The following AUTS2 variants were observed in gnomAD, a reference collection of about 807,000 sequenced individuals.
The protein encoded by AUTS2 is autism susceptibility gene 2 protein.
AUTS2 carries 17 observed loss-of-function variants against 112.4 expected under a neutral mutation model. The ratio of observed to expected loss-of-function variants is 0.15; its 90% CI spans 0.10 to 0.23. AUTS2 has a LOEUF of 0.23. Ranked by LOEUF, AUTS2 falls within the 10% of genes least tolerant of loss-of-function variation. The pLI is 1.00. For synonymous variants in AUTS2, 751 were observed against 702.7 expected, an observed-to-expected ratio of 1.07 and a Z score of -1.09; for missense variants, 1,510 against 1,701.6, an observed-to-expected ratio of 0.89 and a Z score of 1.98.
At chr7:69,765,247 A>G (rs950523811) in intron 1 of AUTS2, among the ~76,000 whole-genome samples, 1 of 152,144 alleles carries the variant, frequency 6.6e-6, no homozygotes, top group African/African-American at 2.4e-5. Context: ...CTAAATTGTG[A>G]TGGGTTCCTT....
chr7:70,644,375 A>T (rs1330224146), intron 5 of AUTS2, among the ~76,000 whole-genome samples: 1 of 152,146 alleles, frequency 6.6e-6, no homozygotes, highest in Non-Finnish European at 1.5e-5. Flanking sequence ...AGCATTCCAA[A>T]CAGAGGGAAC....
chr7:70,545,867 G>C (rs1196295124), intron 5 of AUTS2, among the ~76,000 whole-genome samples: 1 of 152,172 alleles, frequency 6.6e-6, no homozygotes. Context: ...GGAGTGGGGG[G>C]AGTGGGTAGA....
chr7:70,024,577 ATG>A (rs900631709), intron 2 of AUTS2, among the ~76,000 whole-genome samples: 9 of 151,902 alleles, frequency 5.9e-5, no homozygotes, highest in Non-Finnish European at 1.3e-4. Flanking sequence ...GTTGACCTGT[ATG>A]TGTGTTTTTT....
At chr7:70,134,948 G>A (rs2129574896) in intron 4 of AUTS2, among the ~76,000 whole-genome samples, 1 of 152,234 alleles carries the variant, frequency 6.6e-6, no homozygotes, top group Non-Finnish European at 1.5e-5. Flanking sequence ...CTGATTTCTT[G>A]AATAACATCT....
At chr7:69,664,230 CAG>C (rs1270364180) in intron 1 of AUTS2, among the ~76,000 whole-genome samples, 1 of 152,120 alleles carries the variant, frequency 6.6e-6, no homozygotes, top group Non-Finnish European at 1.5e-5. Flanking sequence ...ATTTCTAACA[CAG>C]AGAACTCATT....
intron 2 of AUTS2, among the ~76,000 whole-genome samples, chr7:70,004,979 C>T (rs1417861684): frequency 6.6e-6 from 1 of 151,994 alleles, no homozygotes; most frequent in African/African-American, 2.4e-5. Flanking sequence ...CACCTACCAC[C>T]ATGCCTGGCT....
At chr7:70,274,199 CTT>C (rs1442805452) in intron 4 of AUTS2, among the ~76,000 whole-genome samples, 2 of 152,076 alleles carry the variant, frequency 1.3e-5, no homozygotes, top group Admixed American at 1.3e-4. Flanking sequence ...CTTCTGCCCT[CTT>C]TTCTTCTTTT....
chr7:70,501,992 C>G (rs536549981), intron 5 of AUTS2, among the ~76,000 whole-genome samples: 2 of 152,300 alleles, frequency 1.3e-5, no homozygotes, highest in South Asian at 4.1e-4. Context: ...TCCCACCCAG[C>G]CAGGCTGCTT....
intron 1 of AUTS2, among the ~76,000 whole-genome samples, chr7:69,881,465 A>C (rs2129537774): frequency 6.6e-6 from 1 of 151,644 alleles, no homozygotes; most frequent in Non-Finnish European, 1.5e-5. Context: ...GTATGCATTT[A>C]TTTTCTTTTT....
At chr7:69,760,063 G>T (rs1325263994) in intron 1 of AUTS2, among the ~76,000 whole-genome samples, 3 of 150,704 alleles carry the variant, frequency 2.0e-5, no homozygotes, top group African/African-American at 4.9e-5. Flanking sequence ...TTCTTCCATT[G>T]TATAGTATGA....
intron 5 of AUTS2, among the ~76,000 whole-genome samples, chr7:70,546,402 C>T (rs1474514210): frequency 6.6e-6 from 1 of 151,356 alleles, no homozygotes; most frequent in Non-Finnish European, 1.5e-5. Context: ...CGAGATTGCA[C>T]CACTGCACTC....
intron 5 of AUTS2, among the ~76,000 whole-genome samples, chr7:70,464,459 CA>C (rs751608852): frequency 6.6e-6 from 1 of 152,176 alleles, no homozygotes; most frequent in Non-Finnish European, 1.5e-5. Context: ...TTAATCTTTG[CA>C]ACAACACAAT....
chr7:70,435,497 T>A (rs1486325682), intron 4 of AUTS2, among the ~76,000 whole-genome samples: 3 of 152,310 alleles, frequency 2.0e-5, no homozygotes, highest in Non-Finnish European at 2.9e-5. Flanking sequence ...TGGACTGACC[T>A]GAGGAAGAGC....
At chr7:69,734,457 T>C (rs1347352005) in intron 1 of AUTS2, among the ~76,000 whole-genome samples, 10 of 151,752 alleles carry the variant, frequency 6.6e-5, no homozygotes, top group African/African-American at 2.4e-4. Flanking sequence ...GAAATTTCAT[T>C]TTCTCAGTGG....
intron 4 of AUTS2, among the ~76,000 whole-genome samples, chr7:70,434,458 A>G (rs1232783341): frequency 6.6e-6 from 1 of 152,178 alleles, no homozygotes. Flanking sequence ...TGGCCACACT[A>G]AAAAACCTTG....
At chr7:70,261,458 G>T (rs953361314) in intron 4 of AUTS2, among the ~76,000 whole-genome samples, 1 of 151,986 alleles carries the variant, frequency 6.6e-6, no homozygotes, top group African/African-American at 2.4e-5. Context: ...ACTTCAAGTG[G>T]GTACATTTTT....
At chr7:69,947,447 C>A (rs779080559) in intron 2 of AUTS2, among the ~76,000 whole-genome samples, 2 of 152,084 alleles carry the variant, frequency 1.3e-5, no homozygotes, top group Non-Finnish European at 2.9e-5. Flanking sequence ...TGAGATAGAT[C>A]GTTGCTAACG....
chr7:69,722,498 T>C (rs990794661), intron 1 of AUTS2, among the ~76,000 whole-genome samples: 4 of 151,714 alleles, frequency 2.6e-5, no homozygotes, highest in Admixed American at 6.6e-5. Flanking sequence ...ACCCAGCTAA[T>C]TTTTTTATTT....
chr7:70,230,742 A>G (rs973765301), intron 4 of AUTS2, among the ~76,000 whole-genome samples: 3 of 152,216 alleles, frequency 2.0e-5, no homozygotes, highest in South Asian at 2.1e-4. Context: ...GGATCTGCCT[A>G]TTAATTTTCT....
Sources: gnomAD v4.1 joint callset for allele counts (sites outside exome capture counted in the v4.1 genomes callset) on GRCh38, gnomAD v4.1.1 for gene constraint, MANE v1.5 for transcripts, NCBI Gene and HGNC (gene_info 2026-07-23, HGNC 2026-07-21) for gene names.